CTNNA1: variants seen among roughly 807,000 people sequenced by gnomAD.
The protein encoded by CTNNA1 is catenin alpha-1.
Under a neutral mutation model 98.4 loss-of-function variants are expected in CTNNA1, and 37 were observed. The observed-to-expected ratio is 0.38, with a 90% CI of 0.29 to 0.49. CTNNA1 has a LOEUF of 0.49. Ranked by LOEUF, CTNNA1 falls within the 20% of genes least tolerant of loss-of-function variation. The pLI, the probability that CTNNA1 is intolerant of heterozygous loss-of-function variation, is 0.95. For synonymous variants in CTNNA1, 404 were observed against 413.2 expected, an observed-to-expected ratio of 0.98 and a Z score of 0.27; for missense variants, 761 against 1,147.2, an observed-to-expected ratio of 0.66 and a Z score of 4.86.
intron 1 of CTNNA1, among the ~76,000 whole-genome samples, chr5:138,755,580 G>A (rs774432264): frequency 3.9e-5 from 6 of 152,146 alleles, no homozygotes; most frequent in African/African-American, 1.4e-4. Context: ...TAGTGACTTA[G>A]AGATGAGAGG....
In CTNNA1 at chr5:138,875,201, G is replaced by A. The variant is rs1751222402; in HGVS notation, c.1063-11011G>A. 1.2e-5 allele frequency: 4 copies of A among 346,332 alleles called. No individual in the cohort carries two copies. The East Asian group carries it at 2.2e-4, about 19-fold the overall frequency. 21.5% of individuals were successfully genotyped at this position (346,332 alleles called of 1,614,324 possible). On this transcript the variant is annotated intron_variant, in intron 7 of 17. Transcript: ENST00000302763. ...GCTCAGCTGGTTAATCAAAGCTTCA[G>A]TCTCCTTTCCGCAGCCGTTAGTTCT...
chr5:138,760,129 G>C (rs1020601278), intron 1 of CTNNA1, among the ~76,000 whole-genome samples: 3 of 150,358 alleles, frequency 2.0e-5, no homozygotes, highest in Non-Finnish European at 4.4e-5. Flanking sequence ...TGAGTAGCTG[G>C]GATACAGGCA....
intron 11 of CTNNA1, among the ~76,000 whole-genome samples, chr5:138,921,149 T>C: frequency 6.6e-6 from 1 of 152,242 alleles, no homozygotes; most frequent in East Asian, 1.9e-4. Flanking sequence ...TATATTTATA[T>C]TGACCAATCC....
At chr5:138,884,782 C>T (rs1054715531) in intron 7 of CTNNA1, among the ~76,000 whole-genome samples, 1 of 152,098 alleles carries the variant, frequency 6.6e-6, no homozygotes, top group African/African-American at 2.4e-5. Context: ...TTTGGAATGC[C>T]CTGGCTGAGA....
intron 7 of CTNNA1, chr5:138,880,785 C>G (rs545418859): frequency 3.8e-4 from 117 of 311,108 alleles, no homozygotes; most frequent in Middle Eastern, 2.3e-3. Context: ...TTAGTGGACT[C>G]TCTGACCCAG....
intron 7 of CTNNA1, among the ~76,000 whole-genome samples, chr5:138,837,517 T>TCCCCTCCCTCTCCTCCCC (rs1761900101): frequency 1.2e-5 from 1 of 84,842 alleles, no homozygotes; most frequent in Non-Finnish European, 2.2e-5. Flanking sequence ...CCCTCCTCCC[T>TCCCCTCCCTCTCCTCCCC]CCCCTCCCTC....
intron 7 of CTNNA1, among the ~76,000 whole-genome samples, chr5:138,841,208 C>T (rs999261990): frequency 6.6e-6 from 1 of 152,178 alleles, no homozygotes; most frequent in African/African-American, 2.4e-5. Flanking sequence ...TTGCCAGCAA[C>T]TCAATGGCTT....
intron 6 of CTNNA1, among the ~76,000 whole-genome samples, chr5:138,826,172 A>G (rs1760697893): frequency 6.6e-6 from 1 of 152,194 alleles, no homozygotes; most frequent in Non-Finnish European, 1.5e-5. Context: ...GATCAGCTAA[A>G]ATGTGTAGGT....
intron 5 of CTNNA1, among the ~76,000 whole-genome samples, chr5:138,814,733 G>C (rs549900159): frequency 3.3e-5 from 5 of 152,048 alleles, no homozygotes; most frequent in Non-Finnish European, 5.9e-5. Flanking sequence ...GCAAAATGGC[G>C]GAATAAGTAA....
At chr5:138,814,339 C>T (rs908063761) in intron 5 of CTNNA1, among the ~76,000 whole-genome samples, 3 of 151,722 alleles carry the variant, frequency 2.0e-5, no homozygotes, top group Admixed American at 6.6e-5. Flanking sequence ...ACCTCCGCCT[C>T]CCGGGTTCAA....
At chr5:138,930,337 C>G in intron 14 of CTNNA1, 136 bp from the exon 15 acceptor site, 2 of 657,340 alleles carry the variant, frequency 3.0e-6, no homozygotes, top group Non-Finnish European at 5.2e-6. Context: ...AGAAATAGCC[C>G]TTCAGGCGAA....
At chr5:138,803,861 C>A (rs1478773119) in intron 3 of CTNNA1, among the ~76,000 whole-genome samples, 1 of 152,102 alleles carries the variant, frequency 6.6e-6, no homozygotes, top group African/African-American at 2.4e-5. Context: ...CCCTGGAGCC[C>A]GGGATTTTTT....
intron 3 of CTNNA1, among the ~76,000 whole-genome samples, chr5:138,808,594 AT>A (rs1204524953): frequency 2.0e-5 from 3 of 151,172 alleles, no homozygotes; most frequent in Non-Finnish European, 2.9e-5. Context: ...ATGTGAGGCA[AT>A]TTTTCCCCCC....
intron 7 of CTNNA1, among the ~76,000 whole-genome samples, chr5:138,851,217 G>A (rs1487394102): frequency 6.6e-6 from 1 of 152,186 alleles, no homozygotes; most frequent in South Asian, 2.1e-4. Context: ...CGTTTTCATT[G>A]TTGGGCTCTT....
rs1021105072 is a variant in CTNNA1, at chr5:138,926,420, G to A, written c.1899+1013G>A. On this transcript the variant is annotated intron_variant, in intron 13 of 17. Coordinates refer to ENST00000302763, the MANE Select transcript of CTNNA1 (RefSeq NM_001903.5). ...CCACAGCCACGCTGATGGAGCCGCA[G>A]AAGCCGCGGCCATTTGTGCGCCCTT... 2.6e-5 allele frequency among the ~76,000 whole-genome samples: 4 copies of A among 152,380 alleles called. No homozygotes were observed. In the South Asian group the frequency reaches 6.2e-4, roughly 24 times the overall value.
At chr5:138,896,493 A>G (rs1448940648) in intron 9 of CTNNA1, among the ~76,000 whole-genome samples, 1 of 152,092 alleles carries the variant, frequency 6.6e-6, no homozygotes, top group East Asian at 1.9e-4. Context: ...CTCATACTGC[A>G]CTTCTCAGTG....
intron 10 of CTNNA1, among the ~76,000 whole-genome samples, chr5:138,905,953 G>A (rs1759159199): frequency 1.3e-5 from 2 of 152,218 alleles, no homozygotes; most frequent in South Asian, 4.1e-4. Context: ...TGAAATAGAG[G>A]TCATAGGAAT....
At chr5:138,863,239 T>C (rs1440368097) in intron 7 of CTNNA1, among the ~76,000 whole-genome samples, 1 of 151,684 alleles carries the variant, frequency 6.6e-6, no homozygotes, top group South Asian at 2.1e-4. Context: ...TATATATATA[T>C]AATTTATTTT....
chr5:138,787,527 TC>T (rs1755844637), intron 3 of CTNNA1, among the ~76,000 whole-genome samples: 1 of 152,242 alleles, frequency 6.6e-6, no homozygotes, highest in Non-Finnish European at 1.5e-5. Context: ...ATGGCTGTGT[TC>T]TAATAACATT....
Sources: gnomAD v4.1 joint callset for allele counts (sites outside exome capture counted in the v4.1 genomes callset) on GRCh38, gnomAD v4.1.1 for gene constraint, MANE v1.5 for transcripts, NCBI Gene and HGNC (gene_info 2026-07-23, HGNC 2026-07-21) for gene names.